The following GRB10 variants were observed in gnomAD, a reference collection of about 807,000 sequenced individuals.
The protein encoded by GRB10 is growth factor receptor bound protein 10.
Under a neutral mutation model 80.9 loss-of-function variants are expected in GRB10, and 20 were observed. That is an observed-to-expected ratio of 0.25 (90% CI 0.17 to 0.36). The LOEUF (loss-of-function observed/expected upper bound fraction) is 0.36, where lower values mean the gene tolerates loss of function less well. Among genes scored for constraint, GRB10 ranks in the 10% least tolerant of loss-of-function variants. The pLI is 1.00. For missense variants in GRB10, 548 were observed against 747.7 expected (o/e 0.73, Z 3.12); for synonymous variants, 291 against 291.5 (o/e 1.00, Z 0.02).
At chr7:50,784,411 C>A (rs1358741767), upstream of GRB10, among the ~76,000 whole-genome samples, 1 of 152,160 alleles carries the variant, frequency 6.6e-6, no homozygotes, top group East Asian at 1.9e-4. Context: ...AAAGGTGGCT[C>A]GAGTGTTCCT....
intron 2 of GRB10, among the ~76,000 whole-genome samples, chr7:50,768,069 G>C (rs773812373): frequency 6.6e-6 from 1 of 152,094 alleles, no homozygotes; most frequent in South Asian, 2.1e-4. Context: ...GCCCTATGGT[G>C]CTGCCCAGCT....
At chr7:50,646,430 G>A (rs2057203435) in intron 7 of GRB10, among the ~76,000 whole-genome samples, 1 of 152,202 alleles carries the variant, frequency 6.6e-6, no homozygotes, top group Non-Finnish European at 1.5e-5. Flanking sequence ...AATGAGACTA[G>A]AGTTGGAAAC....
chr7:50,709,411 T>C (rs1446533433), intron 4 of GRB10, among the ~76,000 whole-genome samples: 1 of 152,206 alleles, frequency 6.6e-6, no homozygotes, highest in Non-Finnish European at 1.5e-5. Flanking sequence ...GGCAGGAACA[T>C]GGCCCGGGAG....
At chr7:50,697,170 TAC>T (rs1355509833) in intron 5 of GRB10, among the ~76,000 whole-genome samples, 1 of 152,230 alleles carries the variant, frequency 6.6e-6, no homozygotes, top group Non-Finnish European at 1.5e-5. Context: ...GCTTAATGGG[TAC>T]AGAGTTTCTG....
intron 17 of GRB10, among the ~76,000 whole-genome samples, chr7:50,603,693 T>C (rs1443565939): frequency 2.0e-5 from 3 of 152,248 alleles, no homozygotes; most frequent in Non-Finnish European, 4.4e-5. Flanking sequence ...GCATTTTTTT[T>C]CCATCTGCCC....
At chr7:50,670,000 C>T (rs1208887745) in intron 6 of GRB10, 137 bp from the exon 7 acceptor site, 2 of 1,121,510 alleles carry the variant, frequency 1.8e-6, no homozygotes, top group Admixed American at 2.0e-5. Context: ...ACAGTGGCAT[C>T]CTTCACAAAA....
In GRB10 at chr7:50,674,270, T is replaced by C. The variant is rs543024148; in HGVS notation, c.362+166A>G. On this transcript the variant is annotated intron_variant, in intron 6 of 18. Coordinates refer to ENST00000401949, the MANE Select transcript of GRB10 (RefSeq NM_001350814.2). Reference sequence around the variant, plus strand: ...AAAGTTCAACCCAAGGGCGGCACACTGCACACACTCAGTGTATCCGTTATC... The same window carrying C: ...AAAGTTCAACCCAAGGGCGGCACACCGCACACACTCAGTGTATCCGTTATC... Among the ~76,000 whole-genome samples, 5 of 152,362 alleles carry C rather than the reference T, an allele frequency of 3.3e-5. No individual in the cohort carries two copies. The South Asian group carries it at 1.0e-3, about 32-fold the overall frequency.
intron 2 of GRB10, among the ~76,000 whole-genome samples, chr7:50,757,650 T>C (rs1440198256): frequency 6.6e-6 from 1 of 152,266 alleles, no homozygotes; most frequent in Non-Finnish European, 1.5e-5. Context: ...TATTTCTAAG[T>C]TCTAGTAGCT....
chr7:50,738,576 G>A (rs1318104869), intron 3 of GRB10, among the ~76,000 whole-genome samples: 1 of 152,160 alleles, frequency 6.6e-6, no homozygotes, highest in African/African-American at 2.4e-5. Context: ...GGACTTATGG[G>A]ACTAGAGGAG....
chr7:50,668,166 G>T (rs1008657468), intron 7 of GRB10, among the ~76,000 whole-genome samples: 1 of 152,158 alleles, frequency 6.6e-6, no homozygotes, highest in Non-Finnish European at 1.5e-5. Context: ...TGCTCCGGGG[G>T]CCTGAGGTCA....
At chr7:50,742,617 ACT>A (rs1340270964) in intron 3 of GRB10, among the ~76,000 whole-genome samples, 9 of 151,976 alleles carry the variant, frequency 5.9e-5, no homozygotes, top group Non-Finnish European at 1.2e-4. Flanking sequence ...GCATGATTCT[ACT>A]GCTGACATAG....
intron 1 of GRB10, among the ~76,000 whole-genome samples, chr7:50,791,803 T>C (rs1243828940): frequency 6.6e-6 from 1 of 152,224 alleles, no homozygotes; most frequent in Non-Finnish European, 1.5e-5. Flanking sequence ...AGAGTTTTGA[T>C]TTTTAAGAGA....
intron 7 of GRB10, among the ~76,000 whole-genome samples, chr7:50,666,221 G>A (rs994966828): frequency 1.3e-5 from 2 of 152,178 alleles, no homozygotes; most frequent in African/African-American, 4.8e-5. Flanking sequence ...TCTTCACTCT[G>A]TCACCATCGT....
chr7:50,661,031 G>A (rs773062357), intron 7 of GRB10, among the ~76,000 whole-genome samples: 4 of 152,252 alleles, frequency 2.6e-5, no homozygotes, highest in Non-Finnish European at 4.4e-5. Context: ...GCGGGTGGAA[G>A]GGGCTAAAGG....
At chr7:50,710,827 G>T in intron 4 of GRB10, 3 of 1,592,946 alleles carry the variant, frequency 1.9e-6, no homozygotes, top group Non-Finnish European at 2.6e-6. Flanking sequence ...TAAAGGGCTT[G>T]CCCAGCAACT....
At chr7:50,762,441 T>C (rs1488923898) in intron 2 of GRB10, among the ~76,000 whole-genome samples, 2 of 151,946 alleles carry the variant, frequency 1.3e-5, no homozygotes, top group Non-Finnish European at 2.9e-5. Flanking sequence ...TCCACTTCAG[T>C]AAGTTAAAGC....
At chr7:50,739,648 T>C (rs1361926869) in intron 3 of GRB10, among the ~76,000 whole-genome samples, 1 of 152,226 alleles carries the variant, frequency 6.6e-6, no homozygotes, top group African/African-American at 2.4e-5. Flanking sequence ...ACTAACTTGA[T>C]TTCAAGACCC....
At chr7:50,687,275 G>C (rs901599649) in intron 5 of GRB10, among the ~76,000 whole-genome samples, 1 of 152,180 alleles carries the variant, frequency 6.6e-6, no homozygotes, top group Non-Finnish European at 1.5e-5. Flanking sequence ...TCCAGGCCCA[G>C]GAATCTATTG....
At chr7:50,772,437 CTGTTAA>C in intron 2 of GRB10, among the ~76,000 whole-genome samples, 1 of 152,322 alleles carries the variant, frequency 6.6e-6, no homozygotes, top group East Asian at 1.9e-4. Context: ...AATTAAATAT[CTGTTAA>C]TGTCTGTTAT....
Sources: gnomAD v4.1 joint callset for allele counts (sites outside exome capture counted in the v4.1 genomes callset) on GRCh38, gnomAD v4.1.1 for gene constraint, MANE v1.5 for transcripts, NCBI Gene and HGNC (gene_info 2026-07-23, HGNC 2026-07-21) for gene names.